The following GPC6 variants were observed in gnomAD, a reference collection of about 807,000 sequenced individuals.
The protein encoded by GPC6 is glypican-6.
GPC6 carries 14 observed loss-of-function variants against 55.2 expected under a neutral mutation model. The ratio of observed to expected loss-of-function variants is 0.25; its 90% CI spans 0.17 to 0.40. The LOEUF (loss-of-function observed/expected upper bound fraction) is 0.40, where lower values mean the gene tolerates loss of function less well. Among genes scored for constraint, GPC6 ranks in the 10% least tolerant of loss-of-function variants. GPC6 has a pLI of 1.00. For missense variants in GPC6, 641 were observed against 708.5 expected (o/e 0.90, Z 1.08); for synonymous variants, 278 against 259.6 (o/e 1.07, Z -0.68).
chr13:94,366,668 C>T (rs956302562), intron 6 of GPC6, among the ~76,000 whole-genome samples: 1 of 152,198 alleles, frequency 6.6e-6, no homozygotes, highest in African/African-American at 2.4e-5. Context: ...ACAATCCATG[C>T]TCTAAATCAT....
intron 2 of GPC6, among the ~76,000 whole-genome samples, chr13:93,802,250 C>A (rs993880851): frequency 1.3e-5 from 2 of 151,898 alleles, no homozygotes; most frequent in African/African-American, 4.8e-5. Context: ...CCTGTATTCC[C>A]TTTCTCTGTA....
At chr13:94,245,123 A>G (rs1891159045) in intron 4 of GPC6, among the ~76,000 whole-genome samples, 1 of 152,052 alleles carries the variant, frequency 6.6e-6, no homozygotes, top group Non-Finnish European at 1.5e-5. Flanking sequence ...TGACTTGTTC[A>G]TCCTACATAT....
intron 7 of GPC6, 119 bp downstream of exon 7, chr13:94,382,669 G>C (rs1230022410): frequency 1.5e-6 from 2 of 1,329,262 alleles, no homozygotes; most frequent in Non-Finnish European, 2.1e-6. Flanking sequence ...GGAGGGACAA[G>C]TCATCACTTA....
chr13:94,010,310 C>T (rs1320229616), intron 3 of GPC6, among the ~76,000 whole-genome samples: 5 of 152,068 alleles, frequency 3.3e-5, no homozygotes, highest in Non-Finnish European at 5.9e-5. Flanking sequence ...TATTCCTTTA[C>T]TTTAGACAGA....
At chr13:93,981,244 A>G (rs1880792144) in intron 3 of GPC6, among the ~76,000 whole-genome samples, 1 of 152,108 alleles carries the variant, frequency 6.6e-6, no homozygotes, top group East Asian at 1.9e-4. Flanking sequence ...GTTAATTGCT[A>G]TTTCTTATCT....
intron 4 of GPC6, among the ~76,000 whole-genome samples, chr13:94,210,694 G>T (rs1890050438): frequency 1.3e-5 from 2 of 152,120 alleles, no homozygotes; most frequent in African/African-American, 4.8e-5. Flanking sequence ...TCTTAAAGTT[G>T]TATGTTTGCA....
chr13:94,322,533 C>T (rs1876882247), intron 6 of GPC6, among the ~76,000 whole-genome samples: 1 of 152,036 alleles, frequency 6.6e-6, no homozygotes, highest in Non-Finnish European at 1.5e-5. Context: ...ATATTATGCT[C>T]CAGACTGCGG....
intron 3 of GPC6, among the ~76,000 whole-genome samples, chr13:94,012,720 T>C (rs1882298457): frequency 6.6e-6 from 1 of 152,180 alleles, no homozygotes. Context: ...GTGATTGATT[T>C]GGTTTTATAT....
intron 1 of GPC6, among the ~76,000 whole-genome samples, chr13:93,478,708 A>G (rs1419621509): frequency 2.0e-5 from 3 of 152,166 alleles, no homozygotes; most frequent in Admixed American, 6.5e-5. Flanking sequence ...TGTTACTAGT[A>G]AAACTTAAGG....
chr13:93,771,863 G>A (rs1410534886), intron 2 of GPC6, among the ~76,000 whole-genome samples: 4 of 152,112 alleles, frequency 2.6e-5, no homozygotes, highest in Non-Finnish European at 4.4e-5. Context: ...TTAAGCCTGT[G>A]GGGAATCAAA....
intron 6 of GPC6, among the ~76,000 whole-genome samples, chr13:94,318,621 T>C (rs1350738764): frequency 6.6e-6 from 1 of 152,156 alleles, no homozygotes; most frequent in Admixed American, 6.5e-5. Context: ...GTAAAACTTG[T>C]GAATGGTTTG....
chr13:93,517,701 A>G (rs1348605247), intron 1 of GPC6, among the ~76,000 whole-genome samples: 3 of 152,022 alleles, frequency 2.0e-5, no homozygotes, highest in Admixed American at 6.6e-5. Flanking sequence ...TGTTTCAAGC[A>G]TCAGTATATT....
At chr13:94,051,702 TA>T (rs1411959498) in intron 4 of GPC6, among the ~76,000 whole-genome samples, 2 of 152,088 alleles carry the variant, frequency 1.3e-5, no homozygotes, top group African/African-American at 4.8e-5. Flanking sequence ...TTTCTTTCAT[TA>T]AAAAAAGGAT....
At chr13:94,244,328 A>T (rs961303626) in intron 4 of GPC6, among the ~76,000 whole-genome samples, 1 of 152,156 alleles carries the variant, frequency 6.6e-6, no homozygotes, top group South Asian at 2.1e-4. Flanking sequence ...ATAGGAAGAC[A>T]TTGTCACTGG....
chr13:93,939,871 A>G (rs1232095260), intron 3 of GPC6, among the ~76,000 whole-genome samples: 2 of 152,140 alleles, frequency 1.3e-5, no homozygotes, highest in Admixed American at 1.3e-4. Flanking sequence ...CACAAAATCT[A>G]AAAGCTTTTT....
chr13:93,794,627 C>T (rs4486746), intron 2 of GPC6, among the ~76,000 whole-genome samples: 48,608 of 151,916 alleles, frequency 0.32, 8,075 homozygotes, highest in African/African-American at 0.4. Context: ...AGGGAATGTA[C>T]GTGAGACCTT....
chr13:93,654,474 C>T (rs1880566652), intron 2 of GPC6, among the ~76,000 whole-genome samples: 1 of 152,006 alleles, frequency 6.6e-6, no homozygotes, highest in Non-Finnish European at 1.5e-5. Context: ...ATTACAGGTG[C>T]TTGCCACCAC....
chr13:94,079,792 G>T (rs1312242960), intron 4 of GPC6, among the ~76,000 whole-genome samples: 1 of 152,140 alleles, frequency 6.6e-6, no homozygotes, highest in African/African-American at 2.4e-5. Flanking sequence ...CTTTGTGTCT[G>T]TTTCCTACAT....
At chr13:93,838,211 C>T (rs946114988) in intron 3 of GPC6, among the ~76,000 whole-genome samples, 18 of 152,036 alleles carry the variant, frequency 1.2e-4, no homozygotes, top group Admixed American at 7.2e-4. Flanking sequence ...CAGTCTATCA[C>T]GAAGAGAGAC....
Sources: gnomAD v4.1 joint callset for allele counts (sites outside exome capture counted in the v4.1 genomes callset) on GRCh38, gnomAD v4.1.1 for gene constraint, MANE v1.5 for transcripts, NCBI Gene and HGNC (gene_info 2026-07-23, HGNC 2026-07-21) for gene names.